Variants in GALNTL5 observed in about 807,000 individuals in gnomAD.
GALNTL5 encodes the protein inactive polypeptide N-acetylgalactosaminyltransferase-like protein 5.
In GALNTL5, 44 loss-of-function variants were observed where a neutral mutation model predicts 51.0. The ratio of observed to expected loss-of-function variants is 0.86; its 90% CI spans 0.68 to 1.11. GALNTL5 has a LOEUF of 1.11. Among genes scored for constraint, GALNTL5 ranks in the 50% least tolerant of loss-of-function variants. GALNTL5 has a pLI of 0.00. For missense variants in GALNTL5, 528 were observed against 531.8 expected (o/e 0.99, Z 0.07); for synonymous variants, 192 against 182.8 (o/e 1.05, Z -0.41).
chr7:151,980,921 A>AT (rs2081275122), intron 3 of GALNTL5, among the ~76,000 whole-genome samples: 2 of 150,752 alleles, frequency 1.3e-5, no homozygotes, highest in Non-Finnish European at 2.9e-5. Flanking sequence ...AAATTTTTGT[A>AT]TTTTTAGTAG....
At chr7:151,977,380 T>A (rs1298378054) in intron 3 of GALNTL5, among the ~76,000 whole-genome samples, 1 of 152,184 alleles carries the variant, frequency 6.6e-6, no homozygotes, top group Non-Finnish European at 1.5e-5. Context: ...TATTTTTAAC[T>A]GTTTTGTTTA....
Position 151,983,019 on chromosome 7 carries a change from G to A in GALNTL5, c.402G>A (p.Pro134=), listed in dbSNP as rs766808347. ...AAAAACATTACCCAGCCCGCCTCCCGACTGCCAGCATTGTCATTTGCTTCT... is the reference window on the plus strand; with the variant it reads ...AAAAACATTACCCAGCCCGCCTCCCAACTGCCAGCATTGTCATTTGCTTCT... The part of the protein sequence containing the change: ...CLQKHYPARL[P]TASIVICFYN... Residue 134 remains proline, a synonymous_variant, in exon 4 of 9, where the codon CCG becomes CCA. Transcript: ENST00000392800. 11 of 1,614,100 alleles carry A rather than the reference G, an allele frequency of 6.8e-6. No individual in the cohort carries two copies. Among genetic ancestry groups the A allele is most frequent in the East Asian group, 6.7e-5 (3 of 44,880 alleles).
intron 7 of GALNTL5, among the ~76,000 whole-genome samples, chr7:152,008,781 CT>C (rs2081688423): frequency 1.3e-5 from 2 of 151,926 alleles, no homozygotes; most frequent in African/African-American, 2.4e-5. Context: ...CTCATGTTCC[CT>C]TTGGACGTAG....
intron 1 of GALNTL5, among the ~76,000 whole-genome samples, chr7:151,962,986 A>G (rs1206307973): frequency 6.6e-6 from 1 of 152,166 alleles, no homozygotes; most frequent in Non-Finnish European, 1.5e-5. Context: ...GAATACATGG[A>G]GAGTAATTTT....
chr7:151,991,252 C>A (rs2081425453), intron 5 of GALNTL5, among the ~76,000 whole-genome samples: 1 of 152,088 alleles, frequency 6.6e-6, no homozygotes, highest in South Asian at 2.1e-4. Flanking sequence ...ACCACCACAC[C>A]CGGCTAGTTT....
intron 6 of GALNTL5, among the ~76,000 whole-genome samples, chr7:152,004,646 ACT>A (rs958130785): frequency 6.6e-6 from 1 of 151,922 alleles, no homozygotes; most frequent in Admixed American, 6.6e-5. Context: ...GTCAGTCCAC[ACT>A]CTATGTCCAT....
chr7:151,984,768 C>A (rs931666116), intron 4 of GALNTL5, among the ~76,000 whole-genome samples: 15 of 152,102 alleles, frequency 9.9e-5, no homozygotes, highest in African/African-American at 3.6e-4. Flanking sequence ...CTGGGAAAGC[C>A]ACCAGCAGGG....
At chr7:151,987,314 C>T (rs1341199024) in intron 5 of GALNTL5, 33 bp downstream of exon 5, 13 of 1,531,804 alleles carry the variant, frequency 8.5e-6, no homozygotes, top group East Asian at 4.8e-5. Flanking sequence ...GAGCCAGTGA[C>T]GGCGTCACAG....
chr7:151,963,322 C>A (rs1423619573), intron 1 of GALNTL5, among the ~76,000 whole-genome samples: 3 of 152,224 alleles, frequency 2.0e-5, no homozygotes, highest in Non-Finnish European at 4.4e-5. Context: ...CAGGTCTCAA[C>A]TTTCTCTTAG....
intron 1 of GALNTL5, among the ~76,000 whole-genome samples, chr7:151,959,910 G>C (rs909265457): frequency 6.6e-6 from 1 of 152,100 alleles, no homozygotes. Flanking sequence ...GGGCCTTCCA[G>C]GTCTCTGGCG....
chr7:151,992,540 G>A (rs1458111188), intron 5 of GALNTL5, among the ~76,000 whole-genome samples: 1 of 152,076 alleles, frequency 6.6e-6, no homozygotes, highest in Non-Finnish European at 1.5e-5. Flanking sequence ...GTTCACAGGC[G>A]TCCTCCCTGT....
intron 1 of GALNTL5, among the ~76,000 whole-genome samples, chr7:151,966,987 G>T (rs143448013): frequency 2.0e-5 from 3 of 152,178 alleles, no homozygotes; most frequent in Non-Finnish European, 2.9e-5. Flanking sequence ...AAATGACACC[G>T]TATGTTTTAT....
intron 3 of GALNTL5, among the ~76,000 whole-genome samples, chr7:151,980,999 C>T (rs1012618091): frequency 9.2e-5 from 14 of 152,060 alleles, no homozygotes; most frequent in African/African-American, 3.4e-4. Flanking sequence ...CCCTCCTCAG[C>T]CTCCCAAAGT....
At chr7:152,001,289 T>C (rs1455944134) in intron 5 of GALNTL5, among the ~76,000 whole-genome samples, 1 of 152,052 alleles carries the variant, frequency 6.6e-6, no homozygotes, top group Non-Finnish European at 1.5e-5. Context: ...AACGTATATG[T>C]TTTTTCTTAT....
At chr7:151,998,819 G>A (rs1310006533) in intron 5 of GALNTL5, among the ~76,000 whole-genome samples, 6 of 145,880 alleles carry the variant, frequency 4.1e-5, no homozygotes, top group African/African-American at 5.2e-5. Context: ...CAAAGTACAC[G>A]ACAATTTCAT....
chr7:152,004,254 T>TA (rs925090023), intron 6 of GALNTL5, among the ~76,000 whole-genome samples: 50 of 151,392 alleles, frequency 3.3e-4, no homozygotes, highest in African/African-American at 1.2e-3. Flanking sequence ...TGTGTTAAAT[T>TA]AAAAAATCAA....
At chr7:152,012,242 T>C (rs1248738884) in intron 7 of GALNTL5, among the ~76,000 whole-genome samples, 1 of 152,228 alleles carries the variant, frequency 6.6e-6, no homozygotes, top group East Asian at 1.9e-4. Flanking sequence ...GGACAAGGAC[T>C]GAGCTGTTTA....
intron 3 of GALNTL5, among the ~76,000 whole-genome samples, chr7:151,972,661 C>A (rs1264114604): frequency 2.6e-5 from 4 of 152,206 alleles, no homozygotes; most frequent in African/African-American, 9.6e-5. Flanking sequence ...GACCAAAGTA[C>A]AACTAAGGCT....
intron 3 of GALNTL5, among the ~76,000 whole-genome samples, chr7:151,978,292 T>C (rs1184370126): frequency 1.3e-5 from 2 of 152,242 alleles, no homozygotes; most frequent in Non-Finnish European, 2.9e-5. Context: ...TTTTTTTAAT[T>C]GGATTTGAAC....
Sources: gnomAD v4.1 joint callset for allele counts (sites outside exome capture counted in the v4.1 genomes callset) on GRCh38, gnomAD v4.1.1 for gene constraint, MANE v1.5 for transcripts, NCBI Gene and HGNC (gene_info 2026-07-23, HGNC 2026-07-21) for gene names.